CHRM3: variants seen among roughly 807,000 people sequenced by gnomAD.
CHRM3 encodes cholinergic receptor muscarinic 3.
A neutral mutation model predicts 41.8 loss-of-function variants in CHRM3; 11 were observed. That is an observed-to-expected ratio of 0.26 (90% confidence interval 0.17 to 0.44). The LOEUF (loss-of-function observed/expected upper bound fraction) is 0.44, where lower values mean the gene tolerates loss of function less well. Ranked by LOEUF, CHRM3 falls within the 20% of genes least tolerant of loss-of-function variation. The pLI, the probability that CHRM3 is intolerant of heterozygous loss-of-function variation, is 1.00. For synonymous variants in CHRM3, 297 were observed against 301.4 expected (o/e 0.99, Z 0.15); for missense variants, 571 against 745.4 (o/e 0.77, Z 2.72).
At chr1:239,501,527 G>C (rs547491572) in intron 2 of CHRM3, among the ~76,000 whole-genome samples, 22 of 152,172 alleles carry the variant, frequency 1.4e-4, no homozygotes, top group African/African-American at 5.3e-4. Flanking sequence ...AATGAGCATT[G>C]GGTCAAAACC....
intron 6 of CHRM3, among the ~76,000 whole-genome samples, chr1:239,877,773 C>T (rs931940465): frequency 6.6e-6 from 1 of 151,982 alleles, no homozygotes; most frequent in Non-Finnish European, 1.5e-5. Context: ...CAGCAGTCCC[C>T]TTTTGGCACC....
intron 2 of CHRM3, among the ~76,000 whole-genome samples, chr1:239,532,574 G>A (rs1657738586): frequency 6.7e-6 from 1 of 149,316 alleles, no homozygotes; most frequent in Admixed American, 6.7e-5. Context: ...GCAGTGAGTC[G>A]AGGTCACGCC....
At chr1:239,587,443 C>T (rs749219469) in intron 3 of CHRM3, among the ~76,000 whole-genome samples, 4 of 152,188 alleles carry the variant, frequency 2.6e-5, no homozygotes, top group Non-Finnish European at 5.9e-5. Context: ...GCTTTGCCTT[C>T]CCCTGCCAAA....
intron 1 of CHRM3, among the ~76,000 whole-genome samples, chr1:239,418,209 G>A (rs1661659435): frequency 2.0e-5 from 3 of 152,162 alleles, no homozygotes. Context: ...CTAAAACTGA[G>A]CCTGTCTTAA....
chr1:239,649,901 G>C (rs1672083207), intron 4 of CHRM3, among the ~76,000 whole-genome samples: 1 of 152,218 alleles, frequency 6.6e-6, no homozygotes, highest in Non-Finnish European at 1.5e-5. Flanking sequence ...GCAGGGCACT[G>C]TGTTCCATCC....
intron 2 of CHRM3, among the ~76,000 whole-genome samples, chr1:239,532,908 T>C (rs1037945947): frequency 3.3e-5 from 5 of 152,166 alleles, no homozygotes; most frequent in Non-Finnish European, 7.3e-5. Context: ...ATTCATTAGT[T>C]GCAATAAAAA....
chr1:239,431,711 A>C (rs1001248805), intron 1 of CHRM3, among the ~76,000 whole-genome samples: 1 of 152,228 alleles, frequency 6.6e-6, no homozygotes, highest in African/African-American at 2.4e-5. Context: ...AAGAGGTAGC[A>C]AACAGTGCTT....
intron 3 of CHRM3, among the ~76,000 whole-genome samples, chr1:239,616,284 G>A (rs1415255539): frequency 1.3e-5 from 2 of 152,098 alleles, no homozygotes. Context: ...TAAGACTGTG[G>A]ATATGTCCAC....
At chr1:239,550,080 C>A (rs1471777643) in intron 3 of CHRM3, among the ~76,000 whole-genome samples, 1 of 151,988 alleles carries the variant, frequency 6.6e-6, no homozygotes, top group Non-Finnish European at 1.5e-5. Context: ...CCCTCTCTCA[C>A]ATGTTGGCTG....
intron 3 of CHRM3, among the ~76,000 whole-genome samples, chr1:239,613,951 T>C (rs1667342982): frequency 6.6e-6 from 1 of 152,084 alleles, no homozygotes; most frequent in South Asian, 2.1e-4. Context: ...GGCCAAGAGT[T>C]TGAGACCAGC....
At chr1:239,462,586 T>A (rs1352181272) in intron 1 of CHRM3, among the ~76,000 whole-genome samples, 1 of 152,196 alleles carries the variant, frequency 6.6e-6, no homozygotes, top group Non-Finnish European at 1.5e-5. Context: ...GAAGTTAACT[T>A]TTCTGGTAGA....
chr1:239,819,735 A>C (rs1164073209), intron 5 of CHRM3, among the ~76,000 whole-genome samples: 1 of 152,212 alleles, frequency 6.6e-6, no homozygotes, highest in Non-Finnish European at 1.5e-5. Flanking sequence ...TGCTAAATCA[A>C]AATGAGATCC....
intron 6 of CHRM3, among the ~76,000 whole-genome samples, chr1:239,905,955 G>A (rs370379517): frequency 1.6e-4 from 25 of 152,196 alleles, no homozygotes; most frequent in African/African-American, 5.3e-4. Flanking sequence ...ATTTTGATGA[G>A]AAACGAAGCT....
At chr1:239,645,924 G>A (rs1019011600) in intron 4 of CHRM3, among the ~76,000 whole-genome samples, 21 of 138,950 alleles carry the variant, frequency 1.5e-4, no homozygotes, top group African/African-American at 5.2e-4. Flanking sequence ...ACATTCAAGA[G>A]AAATGAGAGA....
intron 6 of CHRM3, among the ~76,000 whole-genome samples, chr1:239,874,326 T>TAC (rs1553292048): frequency 2.3e-4 from 28 of 121,984 alleles, no homozygotes; most frequent in African/African-American, 7.4e-4. Flanking sequence ...TATATATATA[T>TAC]ACACAGTTGA....
At chr1:239,532,292 T>C (rs1416191604) in intron 2 of CHRM3, among the ~76,000 whole-genome samples, 1 of 144,644 alleles carries the variant, frequency 6.9e-6, no homozygotes, top group Admixed American at 6.8e-5. Flanking sequence ...ATTACAGGCG[T>C]GAGCCACCGC....
intron 6 of CHRM3, among the ~76,000 whole-genome samples, chr1:239,870,735 TA>T (rs960453936): frequency 2.0e-5 from 3 of 152,208 alleles, no homozygotes; most frequent in Non-Finnish European, 4.4e-5. Flanking sequence ...TCCTTCATAT[TA>T]AAATCTGTCA....
chr1:239,675,462 A>G (rs1414454188), intron 4 of CHRM3, among the ~76,000 whole-genome samples: 1 of 152,178 alleles, frequency 6.6e-6, no homozygotes, highest in African/African-American at 2.4e-5. Context: ...GCAAGACAAG[A>G]CCATTGCTAG....
chr1:239,548,509 C>T (rs1396870801), intron 3 of CHRM3, among the ~76,000 whole-genome samples: 1 of 152,232 alleles, frequency 6.6e-6, no homozygotes, highest in East Asian at 1.9e-4. Flanking sequence ...CTGCTTTGCA[C>T]ACACCCATTT....
Sources: gnomAD v4.1 joint callset for allele counts (sites outside exome capture counted in the v4.1 genomes callset) on GRCh38, gnomAD v4.1.1 for gene constraint, MANE v1.5 for transcripts, NCBI Gene and HGNC (gene_info 2026-07-23, HGNC 2026-07-21) for gene names.